Variants in LYST observed in about 807,000 individuals in gnomAD.
LYST encodes the protein lysosomal trafficking regulator.
Under a neutral mutation model 413.6 loss-of-function variants are expected in LYST, and 192 were observed. The observed-to-expected ratio is 0.46, with a 90% CI of 0.41 to 0.52. LYST has a LOEUF of 0.52. Ranked by LOEUF, LYST falls within the 20% of genes least tolerant of loss-of-function variation. LYST has a pLI of 0.00. For missense variants in LYST, 3,815 were observed against 4,499.9 expected, an observed-to-expected ratio of 0.85 and a Z score of 4.35; for synonymous variants, 1,525 against 1,567.3, an observed-to-expected ratio of 0.97 and a Z score of 0.64.
intron 10 of LYST, among the ~76,000 whole-genome samples, chr1:235,796,570 G>A (rs1293252825): frequency 6.6e-6 from 1 of 152,190 alleles, no homozygotes; most frequent in Non-Finnish European, 1.5e-5. Flanking sequence ...GTTGAAATTT[G>A]GTTGCCATTG....
At chr1:235,793,267 G>A (rs1279084364) in intron 11 of LYST, among the ~76,000 whole-genome samples, 2 of 152,048 alleles carry the variant, frequency 1.3e-5, no homozygotes, top group Non-Finnish European at 2.9e-5. Flanking sequence ...GATGGGGTGG[G>A]TAAAGAAAAT....
chr1:235,758,816 A>G (rs1184375337), intron 23 of LYST, among the ~76,000 whole-genome samples, 156 bp downstream of exon 23: 1 of 152,234 alleles, frequency 6.6e-6, no homozygotes, highest in African/African-American at 2.4e-5. Context: ...AAGGAAAAAT[A>G]TATCTTTCTG....
At chr1:235,756,676 G>C (rs1163894072) in intron 24 of LYST, among the ~76,000 whole-genome samples, 1 of 151,988 alleles carries the variant, frequency 6.6e-6, no homozygotes, top group South Asian at 2.1e-4. Context: ...AATATACTTA[G>C]TACCTATTAC....
intron 1 of LYST, among the ~76,000 whole-genome samples, chr1:235,848,127 C>T (rs923122461): frequency 2.7e-4 from 41 of 152,058 alleles, no homozygotes; most frequent in African/African-American, 8.5e-4. Flanking sequence ...GATCATATGA[C>T]AGGCAACAAA....
intron 14 of LYST, among the ~76,000 whole-genome samples, chr1:235,782,363 C>T (rs1193587536): frequency 8.6e-5 from 13 of 151,574 alleles, no homozygotes; most frequent in Admixed American, 3.3e-4. Flanking sequence ...TTAGTAAAGA[C>T]GGGGTTTCAC....
chr1:235,818,700 T>G (rs1674432286), intron 3 of LYST, among the ~76,000 whole-genome samples: 1 of 151,672 alleles, frequency 6.6e-6, no homozygotes, highest in African/African-American at 2.4e-5. Flanking sequence ...CTAATCTGAG[T>G]CTTTATCTTT....
At position 235,810,431 on chromosome 1, in the gene LYST, C is replaced by T. The variant is rs749353041; in HGVS notation, c.387G>A (p.Leu129=). Residue 129 remains leucine, a synonymous_variant, in exon 5 of 53, where the codon CTG becomes CTA. Coordinates refer to ENST00000389793, the MANE Select transcript of LYST (RefSeq NM_000081.4). ...QEKLHLEGSA[L]SSQVSAKVNV... is the part of the protein sequence containing the mutation. ...TTACTTTTGCAGAAACCTGACTAGA[C>T]AGGGCACTTCCTTCTAAATGTAATT... 3.1e-6 allele frequency: 5 copies of T among 1,610,160 alleles called. No individual in the cohort carries two copies. The East Asian group carries it at 8.9e-5, about 29-fold the overall frequency.
chr1:235,716,855 G>C, intron 40 of LYST, 77 bp from the exon 41 acceptor site: 1 of 798,228 alleles, frequency 1.3e-6, no homozygotes. Context: ...TCTGCATCTT[G>C]TAAGTAGGTA....
At chr1:235,872,772 C>T (rs892743380) in intron 1 of LYST, among the ~76,000 whole-genome samples, 6 of 151,850 alleles carry the variant, frequency 4.0e-5, no homozygotes, top group East Asian at 3.9e-4. Context: ...AAAAATTAGC[C>T]GGGTGTGGTG....
At chr1:235,675,397 T>C (rs13374168) in intron 50 of LYST, among the ~76,000 whole-genome samples, 12,228 of 152,256 alleles carry the variant, frequency 0.08, 1,593 homozygotes, top group African/African-American at 0.27. Context: ...GGCGAGAGGA[T>C]ACAGCAACAG....
At position 235,762,924 on chromosome 1, in the gene LYST, G is replaced by T. The variant is rs1667737054; in HGVS notation, c.6122-73C>A. On this transcript the variant is annotated intron_variant, in intron 21 of 52. Coordinates refer to ENST00000389793, the MANE Select transcript of LYST (RefSeq NM_000081.4). ...AAACGAAAATATAACTTTAAAAGCA[G>T]ATCATTAAATTCAAATTTTGACAAA... 3 of 1,118,838 alleles carry T rather than the reference G, an allele frequency of 2.7e-6. No individual in the cohort carries two copies. In the African/African-American group the frequency reaches 4.7e-5, roughly 17 times the overall value. The allele number at this position is 1,118,838 out of a possible 1,614,324, so 69.3% of individuals were successfully genotyped here.
intron 3 of LYST, chr1:235,828,198 C>G (rs1264643359): frequency 3.2e-6 from 3 of 940,064 alleles, no homozygotes; most frequent in South Asian, 9.9e-5. Flanking sequence ...AAAGACATTT[C>G]ATGACATAAA....
intron 1 of LYST, among the ~76,000 whole-genome samples, chr1:235,858,912 C>A (rs914213096): frequency 6.6e-6 from 1 of 152,160 alleles, no homozygotes; most frequent in Non-Finnish European, 1.5e-5. Flanking sequence ...GCTTAACCAT[C>A]CTGCTGGCCT....
At chr1:235,696,058 T>C (rs116151846) in intron 46 of LYST, among the ~76,000 whole-genome samples, 3,079 of 152,314 alleles carry the variant, frequency 0.02, 108 homozygotes, top group African/African-American at 0.07. Context: ...GAACCATTGA[T>C]AACACAATAA....
chr1:235,772,161 G>A (rs1668773430), intron 19 of LYST, among the ~76,000 whole-genome samples: 1 of 152,030 alleles, frequency 6.6e-6, no homozygotes, highest in Admixed American at 6.6e-5. Flanking sequence ...AGAGGCAGAG[G>A]TTGCAGGGAG....
At chr1:235,825,514 C>T (rs1259070791) in intron 3 of LYST, among the ~76,000 whole-genome samples, 3 of 151,948 alleles carry the variant, frequency 2.0e-5, no homozygotes, top group East Asian at 1.9e-4. Flanking sequence ...GATCAACATA[C>T]GAAAAGCAAT....
chr1:235,771,905 G>A (rs996959744), intron 19 of LYST, among the ~76,000 whole-genome samples: 5 of 133,834 alleles, frequency 3.7e-5, no homozygotes, highest in Non-Finnish European at 7.9e-5. Flanking sequence ...ATTAGAAAAG[G>A]TTTTTTAGTT....
chr1:235,667,126 G>A (rs1336492950), intron 50 of LYST, among the ~76,000 whole-genome samples: 5 of 152,142 alleles, frequency 3.3e-5, no homozygotes, highest in East Asian at 3.8e-4. Flanking sequence ...CAGATTGCTC[G>A]AATGTATAAT....
intron 28 of LYST, among the ~76,000 whole-genome samples, chr1:235,748,363 CTTAT>C (rs1666128551): frequency 6.6e-6 from 1 of 151,854 alleles, no homozygotes; most frequent in African/African-American, 2.4e-5. Context: ...ATATTGCTAC[CTTAT>C]TTATAATAGC....
Sources: allele counts gnomAD v4.1 joint callset (sites outside exome capture counted in the v4.1 genomes callset), GRCh38; gene constraint gnomAD v4.1.1; transcripts MANE v1.5; gene names NCBI Gene and HGNC (gene_info 2026-07-23, HGNC 2026-07-21).